Variants in PRDM5 observed in about 807,000 individuals in gnomAD.
The protein encoded by PRDM5 is PR/SET domain 5.
In PRDM5, 56 loss-of-function variants were observed where a neutral mutation model predicts 81.2. The ratio of observed to expected loss-of-function variants is 0.69; its 90% confidence interval spans 0.56 to 0.86. The LOEUF is 0.86. Among genes scored for constraint, PRDM5 ranks in the 40% least tolerant of loss-of-function variants. The pLI is 0.00. For missense variants in PRDM5, 697 were observed against 770.1 expected (o/e 0.91, Z 1.12); for synonymous variants, 267 against 256.4 (o/e 1.04, Z -0.39).
intron 2 of PRDM5, among the ~76,000 whole-genome samples, chr4:120,869,358 T>C (rs1761543934): frequency 6.6e-6 from 1 of 152,192 alleles, no homozygotes; most frequent in African/African-American, 2.4e-5. Flanking sequence ...AGAGCCTCCA[T>C]TGTGCAATGT....
At chr4:120,904,206 C>G (rs6851612) in intron 2 of PRDM5, among the ~76,000 whole-genome samples, 2 of 108,216 alleles carry the variant, frequency 1.8e-5, no homozygotes, top group Non-Finnish European at 3.4e-5. Flanking sequence ...AAAAAAAAAA[C>G]AAAAAAACCT....
intron 2 of PRDM5, among the ~76,000 whole-genome samples, chr4:120,873,324 A>T (rs1357168673): frequency 6.6e-6 from 1 of 152,140 alleles, no homozygotes; most frequent in African/African-American, 2.4e-5. Context: ...AAGAAGAGAA[A>T]AAAACAGTAT....
At chr4:120,897,351 C>T (rs343167) in intron 2 of PRDM5, among the ~76,000 whole-genome samples, 26,802 of 151,836 alleles carry the variant, frequency 0.18, 3,025 homozygotes, top group African/African-American at 0.31. Flanking sequence ...CTCACTCTTA[C>T]TGTTTCTTTT....
chr4:120,855,320 A>T (rs1346988270), intron 2 of PRDM5, among the ~76,000 whole-genome samples: 1 of 152,304 alleles, frequency 6.6e-6, no homozygotes, highest in East Asian at 1.9e-4. Context: ...GTAATTTCTA[A>T]AAGAGCAATT....
chr4:120,743,609 A>T lies in PRDM5; in HGVS notation c.1623+10944T>A, dbSNP rs1578555875. Among the ~76,000 whole-genome samples, 3 of 105,550 alleles carry T rather than the reference A, an allele frequency of 2.8e-5. 1 individual carries two copies. The East Asian group carries it at 7.3e-4, about 26-fold the overall frequency. The allele number at this position is 105,550 out of a possible 152,430, so 69.2% of individuals were successfully genotyped here. A position where few individuals can be genotyped will look rare whatever the true frequency, so the allele number is the denominator to read the frequency against. ...GATCTACCAAGCAAATGGAAAACAA[A>T]AAAAGGCAGGGGTTGCAATCCTAGT... On this transcript the variant is annotated intron_variant, in intron 14 of 15. Coordinates refer to ENST00000264808, the MANE Select transcript of PRDM5 (RefSeq NM_018699.4).
intron 2 of PRDM5, among the ~76,000 whole-genome samples, chr4:120,900,321 T>C (rs1480436076): frequency 6.6e-6 from 1 of 152,108 alleles, no homozygotes; most frequent in Non-Finnish European, 1.5e-5. Context: ...GGAGGCTATC[T>C]AGGGGACTCC....
intron 2 of PRDM5, among the ~76,000 whole-genome samples, chr4:120,858,309 C>T (rs1307529262): frequency 6.6e-6 from 1 of 152,052 alleles, no homozygotes; most frequent in East Asian, 1.9e-4. Context: ...TATGCCTTGC[C>T]TTCAGTGTTT....
At chr4:120,691,592 A>G (rs1734056227), downstream of PRDM5, among the ~76,000 whole-genome samples, 2 of 152,144 alleles carry the variant, frequency 1.3e-5, no homozygotes. Flanking sequence ...GATGCTACTA[A>G]TCAGGTTTCA....
chr4:120,724,742 C>T (rs1216872155), intron 14 of PRDM5, among the ~76,000 whole-genome samples: 2 of 152,176 alleles, frequency 1.3e-5, no homozygotes, highest in African/African-American at 4.8e-5. Flanking sequence ...TCCCATTACA[C>T]AATTTTGAAA....
At chr4:120,704,818 C>G (rs997533682) in intron 15 of PRDM5, among the ~76,000 whole-genome samples, 4 of 151,692 alleles carry the variant, frequency 2.6e-5, no homozygotes, top group African/African-American at 9.7e-5. Context: ...ATGTCCTAAG[C>G]GGGGGAATGA....
chr4:120,786,481 G>A (rs1472641657), intron 10 of PRDM5, among the ~76,000 whole-genome samples: 1 of 152,122 alleles, frequency 6.6e-6, no homozygotes, highest in African/African-American at 2.4e-5. Context: ...TAAAATTGGT[G>A]GGAAAAGAGT....
chr4:120,768,331 C>T (rs546750529), intron 13 of PRDM5, among the ~76,000 whole-genome samples: 13 of 152,066 alleles, frequency 8.5e-5, no homozygotes, highest in South Asian at 2.1e-4. Context: ...TCTCTGAATC[C>T]GTGCTTCCTC....
chr4:120,907,416 T>C lies in PRDM5; in HGVS notation c.177+58A>G, dbSNP rs368986592. 556 of 1,355,258 alleles carry C rather than the reference T, an allele frequency of 4.1e-4. 3 individuals carry two copies. The African/African-American group carries it at 5.9e-3, about 14-fold the overall frequency. The allele number at this position is 1,355,258 out of a possible 1,614,324, so 84.0% of individuals were successfully genotyped here. On this transcript the variant is annotated intron_variant, in intron 2 of 15. Coordinates refer to ENST00000264808, the MANE Select transcript of PRDM5 (RefSeq NM_018699.4). ...ATATCAATTAATGTAGCCTTAAAAA[T>C]GCATTAAATGGTACAATACAAATAT...
Position 120,736,199 on chromosome 4 carries a change from TTGTGTGTGTG to T in PRDM5, c.1623+18344_1623+18353del, listed in dbSNP as rs57073985. Among the ~76,000 whole-genome samples, 271 of 145,230 alleles carry T rather than the reference TTGTGTGTGTG, an allele frequency of 1.9e-3. 2 individuals are homozygous for T. The highest frequency in any genetic ancestry group is 6.8e-3 in the Middle Eastern group (2 of 292). ...CTTTCTATGCTTGAATACTATCCTTTTGTGTGTGTGTGTGTGTGTGTGTGTGTGTGTGTGT... is the reference window on the plus strand; with the variant it reads ...CTTTCTATGCTTGAATACTATCCTTTTGTGTGTGTGTGTGTGTGTGTGTGT... On this transcript the variant is annotated intron_variant, in intron 14 of 15. Transcript: ENST00000264808.
At chr4:120,704,166 A>C (rs1434501624) in intron 15 of PRDM5, among the ~76,000 whole-genome samples, 1 of 152,192 alleles carries the variant, frequency 6.6e-6, no homozygotes, top group Non-Finnish European at 1.5e-5. Flanking sequence ...ACACTCCAAC[A>C]GCTTGCTGAA....
At chr4:120,740,819 T>C (rs1197051761) in intron 14 of PRDM5, among the ~76,000 whole-genome samples, 1 of 152,150 alleles carries the variant, frequency 6.6e-6, no homozygotes, top group Admixed American at 6.5e-5. Flanking sequence ...ACTCCTCTAC[T>C]CAAAACCAAA....
chr4:120,717,420 G>A (rs186733377), intron 14 of PRDM5, among the ~76,000 whole-genome samples: 1 of 152,234 alleles, frequency 6.6e-6, no homozygotes, highest in Admixed American at 6.5e-5. Context: ...TTGTAATCTA[G>A]GTAATAAAAA....
intron 15 of PRDM5, among the ~76,000 whole-genome samples, chr4:120,703,721 A>G (rs1353020653): frequency 6.6e-6 from 1 of 152,176 alleles, no homozygotes; most frequent in Non-Finnish European, 1.5e-5. Flanking sequence ...CCCATTTTAC[A>G]GAAGAAAATG....
intron 8 of PRDM5, among the ~76,000 whole-genome samples, chr4:120,808,365 A>G (rs1460946799): frequency 6.6e-6 from 1 of 152,138 alleles, no homozygotes; most frequent in African/African-American, 2.4e-5. Context: ...CCACGTCCCC[A>G]TTAGCTAGAT....
Sources: allele counts gnomAD v4.1 joint callset (sites outside exome capture counted in the v4.1 genomes callset), GRCh38; gene constraint gnomAD v4.1.1; transcripts MANE v1.5; gene names NCBI Gene and HGNC (gene_info 2026-07-23, HGNC 2026-07-21).